The following CD2 variants were observed in gnomAD, a reference collection of about 807,000 sequenced individuals.
CD2 encodes the protein T-cell surface antigen CD2.
Under a neutral mutation model 23.2 loss-of-function variants are expected in CD2, and 18 were observed. The observed-to-expected ratio is 0.77, with a 90% CI of 0.54 to 1.15. The LOEUF (loss-of-function observed/expected upper bound fraction) is 1.15, where lower values mean the gene tolerates loss of function less well. CD2 is among the 50% of genes most tolerant of loss of function. The pLI, the probability that CD2 is intolerant of heterozygous loss-of-function variation, is 0.00. For synonymous variants in CD2, 162 were observed against 151.9 expected (o/e 1.07, Z -0.49); for missense variants, 424 against 423.1 (o/e 1.00, Z -0.02).
chr1:116,756,822 A>G (rs1190515161), intron 2 of CD2, among the ~76,000 whole-genome samples: 3 of 152,104 alleles, frequency 2.0e-5, no homozygotes, highest in Non-Finnish European at 4.4e-5. Flanking sequence ...TAAGGTGACC[A>G]TGGCCTTGGG....
At chr1:116,767,945 A>C (rs1199083599) in intron 4 of CD2, among the ~76,000 whole-genome samples, 1 of 152,178 alleles carries the variant, frequency 6.6e-6, no homozygotes, top group African/African-American at 2.4e-5. Context: ...GAAGCGAGTA[A>C]ATTTCTAAGG....
rs1425262613 is a variant in CD2 at position 116,754,970 on chromosome 1, A to C, written c.382+19A>C. On this transcript the variant is annotated intron_variant, in intron 2 of 4. Transcript: ENST00000369478. ...ATTCAAGGTAAGTGTTCATTCCCTT[A>C]ATTGCTTTATTTCAGTGTGGGTGCT... 7.2e-6 allele frequency: 11 copies of C among 1,527,242 alleles called. No individual in the cohort carries two copies. The highest frequency in any genetic ancestry group is 9.9e-6 in the Non-Finnish European group (11 of 1,116,264). 94.6% of individuals were successfully genotyped at this position (1,527,242 alleles called of 1,614,324 possible). A position where few individuals can be genotyped will look rare whatever the true frequency, so the allele number is the denominator to read the frequency against.
chr1:116,768,182 G>GCT (rs2101174316), intron 4 of CD2, among the ~76,000 whole-genome samples: 1 of 152,268 alleles, frequency 6.6e-6, no homozygotes, highest in Non-Finnish European at 1.5e-5. Flanking sequence ...AGGTCTGCGT[G>GCT]CTCTCTCTGA....
chr1:116,754,538 A>C lies in CD2; in HGVS notation c.46A>C (p.Asn16His), dbSNP rs780477399. The C allele has an allele frequency of 3.1e-6, 5 of 1,613,928 alleles. No homozygotes were observed. The Admixed American group carries it at 8.3e-5, about 27-fold the overall frequency. ...KFVASFLLIF[N>H]VSSKGAVSKE... is the part of the protein sequence containing the mutation. ...TGTAGCCAGCTTCCTTCTGATTTTC[A>C]ATGTTTCTTCCAAAGGTAAGCATAA... The change falls in exon 1 of 5, where the codon AAT becomes CAT. Residue 16 changes from asparagine to histidine, a missense_variant. By Grantham distance (68) the Asn-to-His change is moderately conservative (BLOSUM62 1). Coordinates refer to ENST00000369478, the MANE Select transcript of CD2 (RefSeq NM_001767.5).
chr1:116,758,551 A>G (rs1291288308), intron 2 of CD2, among the ~76,000 whole-genome samples: 1 of 152,036 alleles, frequency 6.6e-6, no homozygotes, highest in Non-Finnish European at 1.5e-5. Flanking sequence ...TTGAGTGGAG[A>G]GCACCTTGTA....
chr1:116,755,717 G>A lies in CD2; in HGVS notation c.382+766G>A, dbSNP rs548793755. Among the ~76,000 whole-genome samples, 270 of 152,190 alleles carry A rather than the reference G, an allele frequency of 1.8e-3. 11 individuals are homozygous for A. In the South Asian group the frequency reaches 0.048, roughly 27 times the overall value. On this transcript the variant is annotated intron_variant, in intron 2 of 4. Transcript: ENST00000369478. ...TTCTAATGAGCTGCCAAAGTCAATC[G>A]CCACTGGCCTAGACCAAAGGGTGCC...
At chr1:116,764,795 A>G (rs1026856062) in intron 4 of CD2, 189 bp downstream of exon 4, 46 of 582,900 alleles carry the variant, frequency 7.9e-5, no homozygotes, top group Admixed American at 7.5e-4. Flanking sequence ...ACAAATTCTT[A>G]GTGGTGACAA....
intron 3 of CD2, among the ~76,000 whole-genome samples, chr1:116,763,745 G>A (rs992005089): frequency 3.3e-5 from 5 of 152,250 alleles, no homozygotes; most frequent in Non-Finnish European, 7.4e-5. Flanking sequence ...AAAAAGCCTA[G>A]ACCAAACCCA....
At chr1:116,755,917 G>A (rs887653892) in intron 2 of CD2, among the ~76,000 whole-genome samples, 2 of 152,108 alleles carry the variant, frequency 1.3e-5, no homozygotes, top group African/African-American at 4.8e-5. Flanking sequence ...GACTTGGGGA[G>A]GCAGACAGGA....
chr1:116,758,419 C>A (rs1651930516), intron 2 of CD2, among the ~76,000 whole-genome samples: 1 of 152,058 alleles, frequency 6.6e-6, no homozygotes, highest in Non-Finnish European at 1.5e-5. Context: ...CTGTCTCCAG[C>A]CCCATCTTCA....
Position 116,764,618 on chromosome 1 carries a change from C to T in CD2, c.736+12C>T, listed in dbSNP as rs367590649. The T allele has an allele frequency of 1.4e-5, 23 of 1,610,384 alleles. No homozygotes were observed. The highest frequency in any genetic ancestry group is 2.7e-5 in the African/African-American group (2 of 74,826). On this transcript the variant is annotated intron_variant, in intron 4 of 4. Transcript: ENST00000369478. ...GAGTCGGAGAAATGGTAAGCTCCCC[C>T]TCTTTTGTCCCACCGCAGGCCCCAG...
At chr1:116,766,987 G>A (rs1055389688) in intron 4 of CD2, among the ~76,000 whole-genome samples, 2 of 152,174 alleles carry the variant, frequency 1.3e-5, no homozygotes, top group Non-Finnish European at 2.9e-5. Context: ...CAGAACTAGG[G>A]CCAGGGGTTA....
intron 4 of CD2, among the ~76,000 whole-genome samples, chr1:116,765,343 G>T (rs79802966): frequency 0.01 from 1,566 of 152,264 alleles, 36 homozygotes; most frequent in African/African-American, 0.035. Flanking sequence ...TGCAATTCAC[G>T]TTCACAGCAG....
At chr1:116,766,610 C>G (rs1557919723) in intron 4 of CD2, among the ~76,000 whole-genome samples, 3 of 152,006 alleles carry the variant, frequency 2.0e-5, no homozygotes, top group Non-Finnish European at 2.9e-5. Flanking sequence ...AATCTCAGCA[C>G]TTTGGGAGGC....
chr1:116,768,257 C>A (rs1571246078), intron 4 of CD2, among the ~76,000 whole-genome samples: 2 of 152,296 alleles, frequency 1.3e-5, no homozygotes, highest in East Asian at 3.9e-4. Context: ...TCCTTGAGTT[C>A]TCTTGTCCTA....
chr1:116,754,708 A>G lies in CD2; in HGVS notation c.139A>G (p.Ser47Gly), dbSNP rs1447057669. The G allele has an allele frequency of 1.4e-5, 23 of 1,612,920 alleles. No individual in the cohort carries two copies. The highest frequency in any genetic ancestry group is 1.9e-5 in the Non-Finnish European group (22 of 1,179,666). Residue 47 changes from serine (S) to glycine (G), a missense_variant, in exon 2 of 5, where the codon AGT becomes GGT. Ser to Gly is a moderately conservative substitution (Grantham distance 56). Transcript: ENST00000369478. Reference sequence around the variant, plus strand: ...TCAGGACATCAACTTGGACATTCCTAGTTTTCAAATGAGTGATGATATTGA... The same window carrying G: ...TCAGGACATCAACTTGGACATTCCTGGTTTTCAAATGAGTGATGATATTGA... ...LGQDINLDIPSFQMSDDIDDI... is the reference protein window; with the variant it reads ...LGQDINLDIPGFQMSDDIDDI...
intron 4 of CD2, among the ~76,000 whole-genome samples, chr1:116,766,839 G>A (rs1360605880): frequency 2.6e-5 from 4 of 152,054 alleles, no homozygotes; most frequent in Non-Finnish European, 4.4e-5. Flanking sequence ...TCCAGTCTGG[G>A]CAACAGAGCA....
chr1:116,757,551 C>T (rs145940218), intron 2 of CD2, among the ~76,000 whole-genome samples: 170 of 151,946 alleles, frequency 1.1e-3, no homozygotes, highest in Non-Finnish European at 2.1e-3. Flanking sequence ...TTCATGTTAG[C>T]GAAATACTAG....
chr1:116,760,444 C>A lies in CD2; in HGVS notation c.425C>A (p.Thr142Lys). 6.2e-7 allele frequency: 1 copy of A among 1,614,190 alleles called. No individual in the cohort carries two copies. The highest frequency in any genetic ancestry group is 8.5e-7 in the Non-Finnish European group (1 of 1,180,038). The change falls in exon 3 of 5, where the codon ACA (threonine) becomes AAA (lysine). Residue 142 changes from threonine to lysine, a missense_variant. By Grantham distance (78) the Thr-to-Lys change is moderately conservative. Coordinates refer to ENST00000369478, the MANE Select transcript of CD2 (RefSeq NM_001767.5). ...KPKISWTCIN[T>K]TLTCEVMNGT... ...AAGATCTCCTGGACTTGTATCAACACAACCCTGACCTGTGAGGTAATGAAT... is the reference window on the plus strand; with the variant it reads ...AAGATCTCCTGGACTTGTATCAACAAAACCCTGACCTGTGAGGTAATGAAT...
Sources: gnomAD v4.1 joint callset for allele counts (sites outside exome capture counted in the v4.1 genomes callset) on GRCh38, gnomAD v4.1.1 for gene constraint, MANE v1.5 for transcripts, NCBI Gene and HGNC (gene_info 2026-07-23, HGNC 2026-07-21) for gene names.